The following NME7 variants were observed in gnomAD, a reference collection of about 807,000 sequenced individuals.
NME7 encodes nucleoside diphosphate kinase 7.
In NME7, 41 loss-of-function variants were observed where a neutral mutation model predicts 49.1. That is an observed-to-expected ratio of 0.83 (90% CI 0.65 to 1.08). The LOEUF is 1.08. Ranked by LOEUF, NME7 falls within the 50% of genes least tolerant of loss-of-function variation. The pLI, the probability that NME7 is intolerant of heterozygous loss-of-function variation, is 0.00. For missense variants in NME7, 423 were observed against 463.4 expected, an observed-to-expected ratio of 0.91 and a Z score of 0.80; for synonymous variants, 139 against 150.6, an observed-to-expected ratio of 0.92 and a Z score of 0.56.
At chr1:169,327,600 G>C (rs1246577486) in intron 1 of NME7, among the ~76,000 whole-genome samples, 2 of 152,000 alleles carry the variant, frequency 1.3e-5, no homozygotes, top group Non-Finnish European at 2.9e-5. Context: ...CTTACTCGAT[G>C]GTAAGTAACG....
intron 11 of NME7, among the ~76,000 whole-genome samples, chr1:169,139,484 C>A (rs552013181): frequency 2.9e-4 from 44 of 152,324 alleles, no homozygotes; most frequent in African/African-American, 1.0e-3. Flanking sequence ...CCTAGCCCTG[C>A]CATCTCCTGG....
At chr1:169,210,384 A>C (rs548276494) in intron 10 of NME7, among the ~76,000 whole-genome samples, 1 of 152,284 alleles carries the variant, frequency 6.6e-6, no homozygotes, top group South Asian at 2.1e-4. Flanking sequence ...TCAACCTAGA[A>C]CCTAGAGAGC....
chr1:169,331,822 A>AG (rs1652266605), intron 1 of NME7, among the ~76,000 whole-genome samples: 1 of 151,768 alleles, frequency 6.6e-6, no homozygotes, highest in Admixed American at 6.6e-5. Context: ...AGACCAAAAA[A>AG]AAAATGGGAA....
chr1:169,229,022 CT>C (rs1457531668), intron 10 of NME7, among the ~76,000 whole-genome samples: 5 of 152,208 alleles, frequency 3.3e-5, no homozygotes, highest in African/African-American at 1.2e-4. Flanking sequence ...TCTAGAGCCT[CT>C]GACTTTAATC....
At chr1:169,254,559 T>G (rs1311629926) in intron 7 of NME7, among the ~76,000 whole-genome samples, 1 of 151,470 alleles carries the variant, frequency 6.6e-6, no homozygotes, top group Admixed American at 6.6e-5. Flanking sequence ...GTATCTCTAT[T>G]TCCTTCAGTT....
chr1:169,173,201 G>T (rs1321350423), intron 10 of NME7, among the ~76,000 whole-genome samples: 1 of 152,110 alleles, frequency 6.6e-6, no homozygotes, highest in African/African-American at 2.4e-5. Context: ...GGATAAAATA[G>T]AATCTGTCTT....
chr1:169,323,575 G>C (rs1651936071), intron 2 of NME7, among the ~76,000 whole-genome samples: 1 of 152,078 alleles, frequency 6.6e-6, no homozygotes, highest in African/African-American at 2.4e-5. Context: ...CTTACAAAAT[G>C]CTAAAGAAAG....
At chr1:169,158,971 C>T (rs1349306460) in intron 11 of NME7, among the ~76,000 whole-genome samples, 1 of 152,110 alleles carries the variant, frequency 6.6e-6, no homozygotes, top group Non-Finnish European at 1.5e-5. Context: ...CCCTTTCTTC[C>T]TTCTAACAGT....
intron 11 of NME7, 120 bp from the exon 12 acceptor site, chr1:169,132,937 A>AAAGTT (rs571784242): frequency 9.0e-5 from 57 of 634,318 alleles, no homozygotes; most frequent in Admixed American, 2.3e-4. Flanking sequence ...AAAGACACTA[A>AAAGTT]AAGTTAATCA....
At chr1:169,143,804 T>C (rs1256500123) in intron 11 of NME7, among the ~76,000 whole-genome samples, 2 of 152,210 alleles carry the variant, frequency 1.3e-5, no homozygotes, top group Non-Finnish European at 2.9e-5. Context: ...AACATGGATA[T>C]GGTTATGCCT....
At chr1:169,276,922 T>C (rs1391282498) in intron 7 of NME7, among the ~76,000 whole-genome samples, 1 of 149,778 alleles carries the variant, frequency 6.7e-6, no homozygotes, top group Non-Finnish European at 1.5e-5. Flanking sequence ...AACATCTTTA[T>C]TTCTGCCTTC....
intron 10 of NME7, among the ~76,000 whole-genome samples, chr1:169,225,734 C>T (rs184200355): frequency 3.2e-4 from 48 of 152,154 alleles, no homozygotes; most frequent in Non-Finnish European, 5.0e-4. Context: ...CTTTGGACAC[C>T]ACTTCTAGAG....
chr1:169,322,874 T>C (rs1310261554), intron 3 of NME7, among the ~76,000 whole-genome samples: 3 of 152,108 alleles, frequency 2.0e-5, no homozygotes, highest in Non-Finnish European at 4.4e-5. Context: ...ACAAGGTGCT[T>C]GCAATGTGGA....
intron 6 of NME7, among the ~76,000 whole-genome samples, chr1:169,295,072 C>A (rs1415928): frequency 2.6e-5 from 4 of 152,112 alleles, no homozygotes; most frequent in Non-Finnish European, 5.9e-5. Flanking sequence ...TCTGTGCACA[C>A]GCAGGCTCCC....
intron 6 of NME7, among the ~76,000 whole-genome samples, chr1:169,288,414 G>C (rs529566793): frequency 6.6e-6 from 1 of 152,036 alleles, no homozygotes; most frequent in South Asian, 2.1e-4. Context: ...CCTGCTTATA[G>C]GAAAAGTCAA....
At chr1:169,223,782 T>TAG (rs758112806) in intron 10 of NME7, among the ~76,000 whole-genome samples, 7 of 150,286 alleles carry the variant, frequency 4.7e-5, no homozygotes, top group African/African-American at 7.4e-5. Context: ...TGCATATATA[T>TAG]ATATAGAGAG....
At chr1:169,350,208 GGAAA>G (rs1295299633) in intron 1 of NME7, among the ~76,000 whole-genome samples, 1 of 112,720 alleles carries the variant, frequency 8.9e-6, no homozygotes, top group East Asian at 2.8e-4. Context: ...AGGAAAGAAA[GGAAA>G]GAAAGGGAGA....
intron 11 of NME7, among the ~76,000 whole-genome samples, chr1:169,164,959 A>G (rs1009704114): frequency 1.3e-5 from 2 of 152,234 alleles, no homozygotes; most frequent in Admixed American, 1.3e-4. Context: ...TGCCATTAAT[A>G]GAAAACTAGT....
chr1:169,298,526 G>C (rs1650799928), intron 6 of NME7, 30 bp downstream of exon 6: 1 of 1,597,228 alleles, frequency 6.3e-7, no homozygotes, highest in Non-Finnish European at 8.6e-7. Flanking sequence ...AGAACTAGAA[G>C]AGCATTAAAA....
Sources: allele counts gnomAD v4.1 joint callset (sites outside exome capture counted in the v4.1 genomes callset), GRCh38; gene constraint gnomAD v4.1.1; transcripts MANE v1.5; gene names NCBI Gene and HGNC (gene_info 2026-07-23, HGNC 2026-07-21).